Variants in ATP13A4 observed in about 807,000 individuals in gnomAD.
The protein encoded by ATP13A4 is probable cation-transporting ATPase 13A4.
In ATP13A4, 114 loss-of-function variants were observed where a neutral mutation model predicts 142.5. The observed-to-expected ratio is 0.80, with a 90% confidence interval of 0.69 to 0.93. The LOEUF (loss-of-function observed/expected upper bound fraction) is 0.93. ATP13A4 is among the 40% of genes least tolerant of loss of function. The pLI is 0.00. For missense variants in ATP13A4, 1,392 were observed against 1,454.0 expected (o/e 0.96, Z 0.69); for synonymous variants, 488 against 514.8 (o/e 0.95, Z 0.70).
chr3:193,486,977 T>C (rs1179089855), intron 7 of ATP13A4, among the ~76,000 whole-genome samples: 6 of 152,242 alleles, frequency 3.9e-5, no homozygotes, highest in African/African-American at 9.6e-5. Flanking sequence ...AAGAAACTAA[T>C]GTAAGCAGTC....
intron 1 of ATP13A4, among the ~76,000 whole-genome samples, chr3:193,532,125 G>T (rs1466141059): frequency 1.3e-5 from 2 of 152,046 alleles, no homozygotes; most frequent in African/African-American, 2.4e-5. Context: ...GAGGACCAGG[G>T]CATTGCCAGC....
chr3:193,467,760 G>A (rs1049115373), intron 9 of ATP13A4, among the ~76,000 whole-genome samples: 1 of 152,040 alleles, frequency 6.6e-6, no homozygotes, highest in Admixed American at 6.6e-5. Context: ...CAAGATAGCT[G>A]GAAATAACTA....
chr3:193,475,964 G>A (rs1264517160), intron 8 of ATP13A4, among the ~76,000 whole-genome samples: 1 of 151,954 alleles, frequency 6.6e-6, no homozygotes, highest in Non-Finnish European at 1.5e-5. Context: ...TCCTGTCATT[G>A]AGAACCAGAA....
intron 8 of ATP13A4, among the ~76,000 whole-genome samples, chr3:193,479,218 T>C (rs544934788): frequency 7.9e-5 from 12 of 152,268 alleles, no homozygotes; most frequent in Non-Finnish European, 1.3e-4. Context: ...GAGACAAGGA[T>C]GCCCACATTC....
At chr3:193,531,434 G>A (rs1248555826) in intron 1 of ATP13A4, among the ~76,000 whole-genome samples, 2 of 151,402 alleles carry the variant, frequency 1.3e-5, no homozygotes, top group East Asian at 3.9e-4. Context: ...AAGGAGGGAA[G>A]GAGGGAAGGG....
At chr3:193,526,636 A>G in intron 1 of ATP13A4, among the ~76,000 whole-genome samples, 1 of 152,352 alleles carries the variant, frequency 6.6e-6, no homozygotes, top group East Asian at 1.9e-4. Context: ...AGAATTTTAA[A>G]ATAATAATAA....
At chr3:193,508,122 C>T (rs939209998) in intron 2 of ATP13A4, among the ~76,000 whole-genome samples, 2 of 152,216 alleles carry the variant, frequency 1.3e-5, no homozygotes, top group African/African-American at 4.8e-5. Flanking sequence ...AGTGAGAAGA[C>T]AGCCTTCTTC....
chr3:193,428,028 T>C (rs1715762875), intron 25 of ATP13A4, among the ~76,000 whole-genome samples: 1 of 152,248 alleles, frequency 6.6e-6, no homozygotes, highest in African/African-American at 2.4e-5. Flanking sequence ...AGAAAATTTT[T>C]GCAATCTACT....
At chr3:193,528,473 A>G (rs1722131995) in intron 1 of ATP13A4, among the ~76,000 whole-genome samples, 1 of 152,232 alleles carries the variant, frequency 6.6e-6, no homozygotes. Context: ...CAATGGACAG[A>G]AGTGGAAATG....
intron 25 of ATP13A4, among the ~76,000 whole-genome samples, chr3:193,418,365 C>T (rs1381414279): frequency 1.3e-5 from 2 of 148,438 alleles, no homozygotes; most frequent in South Asian, 2.1e-4. Context: ...GCAAGATGGC[C>T]AGCTAAAAGC....
chr3:193,484,128 G>T, intron 7 of ATP13A4, 123 bp from the exon 8 acceptor site: 1 of 830,658 alleles, frequency 1.2e-6, no homozygotes, highest in Non-Finnish European at 2.0e-6. Flanking sequence ...GGAATGTACT[G>T]GCTAAAAACA....
chr3:193,451,945 A>G (rs960129567), intron 17 of ATP13A4, among the ~76,000 whole-genome samples: 6 of 152,176 alleles, frequency 3.9e-5, no homozygotes, highest in African/African-American at 1.4e-4. Context: ...ATCAAATCCT[A>G]GTTGAGAATT....
chr3:193,420,618 A>T (rs1327562710), intron 25 of ATP13A4, among the ~76,000 whole-genome samples: 3 of 149,856 alleles, frequency 2.0e-5, no homozygotes, highest in African/African-American at 7.4e-5. Flanking sequence ...AATTAGGAAA[A>T]GAGTTTCCTA....
In ATP13A4 at chr3:193,466,100, G is replaced by C; in HGVS notation, c.1197C>G (p.Ile399Met). The C allele has an allele frequency of 6.2e-7, 1 of 1,614,082 alleles. No homozygotes were observed. Reference sequence around the variant, plus strand: ...TTCCTACAAGGCACAGGAGGAACCTGATGGCATCCCTGTACAACTGAAAAT... The same window carrying C: ...TTCCTACAAGGCACAGGAGGAACCTCATGGCATCCCTGTACAACTGAAAAT... ...PVNFQLYRDAIRFLLCLVGTA... is the reference protein window; with the variant it reads ...PVNFQLYRDAMRFLLCLVGTA... The change falls in exon 11 of 30, where the codon ATC (isoleucine) becomes ATG (methionine). Residue 399 changes from isoleucine to methionine, a missense_variant. Coordinates refer to ENST00000342695, the MANE Select transcript of ATP13A4 (RefSeq NM_032279.4).
intron 11 of ATP13A4, among the ~76,000 whole-genome samples, 192 bp from the exon 12 acceptor site, chr3:193,465,320 T>C (rs1718209515): frequency 6.6e-6 from 1 of 152,126 alleles, no homozygotes; most frequent in Non-Finnish European, 1.5e-5. Flanking sequence ...CCTGAGTAGC[T>C]GGGATTACAG....
intron 1 of ATP13A4, among the ~76,000 whole-genome samples, chr3:193,552,165 G>C (rs933238747): frequency 3.0e-4 from 45 of 152,178 alleles, no homozygotes; most frequent in African/African-American, 1.0e-3. Context: ...GTAGAGATGG[G>C]GTTTCACCAT....
At chr3:193,481,452 C>T (rs1301535524) in intron 8 of ATP13A4, among the ~76,000 whole-genome samples, 1 of 152,078 alleles carries the variant, frequency 6.6e-6, no homozygotes, top group African/African-American at 2.4e-5. Flanking sequence ...ATACACTTAC[C>T]AGTTTCAGTA....
intron 4 of ATP13A4, 28 bp downstream of exon 4, chr3:193,493,062 T>C: frequency 1.2e-6 from 2 of 1,609,288 alleles, no homozygotes; most frequent in Non-Finnish European, 1.7e-6. Context: ...ATTTTTCTTC[T>C]TTGGCTGTAC....
At chr3:193,441,612 T>A in intron 19 of ATP13A4, 24 bp from the exon 20 acceptor site, 4 of 1,611,396 alleles carry the variant, frequency 2.5e-6, no homozygotes, top group Non-Finnish European at 3.4e-6. Flanking sequence ...CACAGTTATT[T>A]TAGACTCTTT....
Sources: allele counts gnomAD v4.1 joint callset (sites outside exome capture counted in the v4.1 genomes callset), GRCh38; gene constraint gnomAD v4.1.1; transcripts MANE v1.5; gene names NCBI Gene and HGNC (gene_info 2026-07-23, HGNC 2026-07-21).